The following SORCS1 variants were observed in gnomAD, a reference collection of about 807,000 sequenced individuals.
The protein encoded by SORCS1 is VPS10 domain-containing receptor SorCS1.
A neutral mutation model predicts 146.1 loss-of-function variants in SORCS1; 60 were observed. The observed-to-expected ratio is 0.41, with a 90% CI of 0.33 to 0.51. The LOEUF (loss-of-function observed/expected upper bound fraction) is 0.51, where lower values mean the gene tolerates loss of function less well. SORCS1 is among the 20% of genes least tolerant of loss of function. The pLI is 0.21. For synonymous variants in SORCS1, 637 were observed against 584.0 expected (o/e 1.09, Z -1.31); for missense variants, 1,352 against 1,487.6 (o/e 0.91, Z 1.50).
chr10:106,742,063 A>G (rs1857404457), intron 5 of SORCS1, among the ~76,000 whole-genome samples: 1 of 152,198 alleles, frequency 6.6e-6, no homozygotes, highest in Non-Finnish European at 1.5e-5. Flanking sequence ...TTCAACTGAG[A>G]AGGAAAAGAG....
chr10:107,001,254 G>A (rs1386326691), intron 1 of SORCS1, among the ~76,000 whole-genome samples: 2 of 152,178 alleles, frequency 1.3e-5, no homozygotes, highest in Non-Finnish European at 2.9e-5. Context: ...TGTTGGGCTG[G>A]TGCCAGATGT....
intron 5 of SORCS1, among the ~76,000 whole-genome samples, chr10:106,753,463 G>T (rs1858407379): frequency 6.6e-6 from 1 of 152,118 alleles, no homozygotes; most frequent in African/African-American, 2.4e-5. Flanking sequence ...ATAAAAACCT[G>T]AAGTTGGCTC....
chr10:106,678,528 T>C (rs1852204031), intron 12 of SORCS1, among the ~76,000 whole-genome samples: 1 of 152,192 alleles, frequency 6.6e-6, no homozygotes, highest in Admixed American at 6.5e-5. Flanking sequence ...CAATTTACAG[T>C]GCTAGTTATT....
At chr10:107,020,621 A>G (rs1958086427) in intron 1 of SORCS1, among the ~76,000 whole-genome samples, 1 of 152,206 alleles carries the variant, frequency 6.6e-6, no homozygotes, top group Admixed American at 6.5e-5. Flanking sequence ...TTTGAACCCA[A>G]GCCCTCATGC....
intron 1 of SORCS1, among the ~76,000 whole-genome samples, chr10:107,044,606 A>AAGATCAGG (rs1250936680): frequency 1.3e-5 from 2 of 151,084 alleles, no homozygotes; most frequent in Non-Finnish European, 3.0e-5. Context: ...GGTGGATCAC[A>AAGATCAGG]AGATCAGGAG....
At chr10:107,165,703 C>A (rs954768564), upstream of SORCS1, among the ~76,000 whole-genome samples, 1 of 152,312 alleles carries the variant, frequency 6.6e-6, no homozygotes, top group Non-Finnish European at 1.5e-5. The surrounding 1 kb of genome is among the most constrained non-coding windows in gnomAD (Gnocchi z 4.0). Flanking sequence ...TATAGTTATT[C>A]TGTGTCACTT....
At chr10:107,132,336 CTT>C (rs1242860596) in intron 1 of SORCS1, among the ~76,000 whole-genome samples, 1 of 152,210 alleles carries the variant, frequency 6.6e-6, no homozygotes, top group African/African-American at 2.4e-5. Context: ...GAGAGCCCCT[CTT>C]GTTTAGCACT....
chr10:106,812,871 C>T lies in SORCS1; in HGVS notation c.726+16703G>A, dbSNP rs539646723. ...AGTATATCTCAAAGGTTAAAGGTAACGATAGAGCCACAAGATTTGATCAGA... is the reference window on the plus strand; with the variant it reads ...AGTATATCTCAAAGGTTAAAGGTAATGATAGAGCCACAAGATTTGATCAGA... On this transcript the variant is annotated intron_variant, in intron 3 of 25. Coordinates refer to ENST00000263054, the MANE Select transcript of SORCS1 (RefSeq NM_052918.5). Among the ~76,000 whole-genome samples, 242 of 152,102 alleles carry T rather than the reference C, an allele frequency of 1.6e-3. 2 individuals are homozygous for T. The highest frequency in any genetic ancestry group is 1.6e-3 in the Non-Finnish European group (112 of 68,006).
chr10:107,051,349 G>A (rs1443357006), intron 1 of SORCS1, among the ~76,000 whole-genome samples: 3 of 152,108 alleles, frequency 2.0e-5, no homozygotes, highest in Admixed American at 6.6e-5. Flanking sequence ...AATTGTCCAG[G>A]CTCTGAGCTG....
At chr10:106,965,366 AAG>A (rs1955450706) in intron 1 of SORCS1, among the ~76,000 whole-genome samples, 1 of 152,142 alleles carries the variant, frequency 6.6e-6, no homozygotes, top group Admixed American at 6.5e-5. Flanking sequence ...CAGTTCAATA[AAG>A]ATGGAGAAAA....
chr10:106,814,043 G>C (rs1947612578), intron 3 of SORCS1, among the ~76,000 whole-genome samples: 1 of 151,830 alleles, frequency 6.6e-6, no homozygotes, highest in Non-Finnish European at 1.5e-5. Context: ...TTTATTCATT[G>C]ACTTATTGGC....
intron 1 of SORCS1, among the ~76,000 whole-genome samples, chr10:107,120,064 C>A (rs1966298271): frequency 6.6e-6 from 1 of 152,064 alleles, no homozygotes; most frequent in African/African-American, 2.4e-5. Context: ...ACCAGGCTTT[C>A]CATCATGGCC....
At chr10:106,835,846 A>G (rs1284203824) in intron 2 of SORCS1, among the ~76,000 whole-genome samples, 1 of 152,092 alleles carries the variant, frequency 6.6e-6, no homozygotes, top group Non-Finnish European at 1.5e-5. Flanking sequence ...TCTCTACTAA[A>G]AATACAAAAT....
At chr10:106,923,857 A>G (rs1321499414) in intron 2 of SORCS1, among the ~76,000 whole-genome samples, 2 of 152,200 alleles carry the variant, frequency 1.3e-5, no homozygotes, top group Admixed American at 6.5e-5. Flanking sequence ...ATTGAGTTGT[A>G]ATAGTGCTTG....
chr10:107,006,519 T>G (rs572193929), intron 1 of SORCS1, among the ~76,000 whole-genome samples: 1 of 152,340 alleles, frequency 6.6e-6, no homozygotes, highest in South Asian at 2.1e-4. Context: ...GAAGAGAACA[T>G]GAAAATAGTA....
At chr10:107,099,633 T>C (rs1372003038) in intron 1 of SORCS1, among the ~76,000 whole-genome samples, 1 of 152,174 alleles carries the variant, frequency 6.6e-6, no homozygotes, top group Non-Finnish European at 1.5e-5. Flanking sequence ...ACTGAAGAAA[T>C]GTATATTAAA....
At chr10:107,094,677 G>A (rs1483590233) in intron 1 of SORCS1, among the ~76,000 whole-genome samples, 2 of 152,136 alleles carry the variant, frequency 1.3e-5, no homozygotes, top group East Asian at 3.9e-4. Flanking sequence ...TTTAAAAAAG[G>A]CTCCATATAT....
At chr10:106,977,617 C>G (rs12267963) in intron 1 of SORCS1, among the ~76,000 whole-genome samples, 7,007 of 142,540 alleles carry the variant, frequency 0.049, 517 homozygotes, top group African/African-American at 0.17. Flanking sequence ...AATTTGTTCC[C>G]GCTGAATTTT....
intron 4 of SORCS1, among the ~76,000 whole-genome samples, chr10:106,772,851 A>G (rs1009642317): frequency 3.3e-5 from 5 of 152,132 alleles, no homozygotes; most frequent in Admixed American, 2.0e-4. Context: ...AGAGCAGGGT[A>G]CCGCAGCTCA....
Sources: gnomAD v4.1 joint callset for allele counts (sites outside exome capture counted in the v4.1 genomes callset) on GRCh38, gnomAD v4.1.1 for gene constraint, Gnocchi (gnomAD v3.1) non-coding constraint, MANE v1.5 for transcripts, NCBI Gene and HGNC (gene_info 2026-07-23, HGNC 2026-07-21) for gene names.